LRRTM4: variants seen among roughly 807,000 people sequenced by gnomAD.
The protein encoded by LRRTM4 is leucine-rich repeat transmembrane neuronal protein 4.
In LRRTM4, 25 loss-of-function variants were observed where a neutral mutation model predicts 47.6. The ratio of observed to expected loss-of-function variants is 0.53; its 90% CI spans 0.38 to 0.73. LRRTM4 has a LOEUF of 0.73. LRRTM4 is among the 30% of genes least tolerant of loss of function. The pLI is 0.00. For synonymous variants in LRRTM4, 311 were observed against 269.5 expected (o/e 1.15, Z -1.51); for missense variants, 638 against 713.4 (o/e 0.89, Z 1.20).
chr2:77,146,640 C>T (rs1672268577), intron 3 of LRRTM4, among the ~76,000 whole-genome samples: 1 of 152,020 alleles, frequency 6.6e-6, no homozygotes, highest in Non-Finnish European at 1.5e-5. Context: ...CATTAAAAGT[C>T]ACAGATTTAT....
chr2:76,873,520 A>ACATATATATATATATG (rs764805070), intron 3 of LRRTM4, among the ~76,000 whole-genome samples: 9 of 143,568 alleles, frequency 6.3e-5, no homozygotes, highest in Non-Finnish European at 1.4e-4. Context: ...ATATATATAT[A>ACATATATATATATATG]TATATATATA....
Position 76,959,255 on chromosome 2 carries a change from T to C in LRRTM4, c.1552-210339A>G, listed in dbSNP as rs750297153. Among the ~76,000 whole-genome samples, 60 of 151,834 alleles carry C rather than the reference T, an allele frequency of 4.0e-4. No homozygotes were observed. The Middle Eastern group carries it at 0.014, about 34-fold the overall frequency. ...AAACTATATTATGTTTTCATCATGA[T>C]ATCAATTTTAAAACAAATGTCATGG... is the stretch of plus-strand genomic sequence containing the variant. On this transcript the variant is annotated intron_variant, in intron 3 of 3. Transcript: ENST00000409884.
At chr2:77,032,827 T>A (rs1678710097) in intron 3 of LRRTM4, among the ~76,000 whole-genome samples, 1 of 152,144 alleles carries the variant, frequency 6.6e-6, no homozygotes. Flanking sequence ...GAAATGCTGA[T>A]TCTTTTTAGC....
chr2:77,297,680 C>T (rs1051826447), intron 3 of LRRTM4, among the ~76,000 whole-genome samples: 7 of 152,070 alleles, frequency 4.6e-5, no homozygotes, highest in African/African-American at 1.7e-4. Context: ...CTATGCTGTC[C>T]CTATGGCAGT....
At chr2:77,030,175 G>A (rs778000007) in intron 3 of LRRTM4, among the ~76,000 whole-genome samples, 2 of 152,210 alleles carry the variant, frequency 1.3e-5, no homozygotes, top group Non-Finnish European at 2.9e-5. Flanking sequence ...GCTCACGCCT[G>A]TAATCCCAGC....
At chr2:76,869,574 A>G (rs1672565885) in intron 3 of LRRTM4, among the ~76,000 whole-genome samples, 1 of 150,954 alleles carries the variant, frequency 6.6e-6, no homozygotes, top group South Asian at 2.1e-4. Context: ...AAAAAAGTCA[A>G]ACCTTTAGGG....
chr2:77,052,105 G>T (rs1448426080), intron 3 of LRRTM4, among the ~76,000 whole-genome samples: 2 of 148,806 alleles, frequency 1.3e-5, no homozygotes, highest in Non-Finnish European at 3.0e-5. Context: ...GAATACAAAA[G>T]GATTCCTGGG....
rs150151422 is a variant in LRRTM4 at position 76,860,613 on chromosome 2, A to G, written c.1552-111697T>C. Among the ~76,000 whole-genome samples, 884 of 152,182 alleles carry G rather than the reference A, an allele frequency of 5.8e-3. 13 individuals are homozygous for G. Among genetic ancestry groups the G allele is most frequent in the African/African-American group, 0.02 (838 of 41,534 alleles). On this transcript the variant is annotated intron_variant, in intron 3 of 3. Transcript: ENST00000409884. ...CTATAGGCTCACTTAGGAGACCCCT[A>G]TAAGAATGGAACTTAGCTATAGTTT...
At chr2:77,221,432 C>T (rs1674628819) in intron 3 of LRRTM4, among the ~76,000 whole-genome samples, 1 of 152,112 alleles carries the variant, frequency 6.6e-6, no homozygotes, top group Non-Finnish European at 1.5e-5. Context: ...AGAGTCAAGA[C>T]CCATCAGTGT....
At chr2:77,092,397 C>A (rs1670676573) in intron 3 of LRRTM4, among the ~76,000 whole-genome samples, 1 of 150,192 alleles carries the variant, frequency 6.7e-6, no homozygotes, top group African/African-American at 2.5e-5. Flanking sequence ...CACACACCAG[C>A]AAAGGCAGGT....
chr2:76,910,094 C>G (rs1257116320), intron 3 of LRRTM4, among the ~76,000 whole-genome samples: 6 of 152,072 alleles, frequency 3.9e-5, no homozygotes, highest in Admixed American at 3.3e-4. Context: ...TTGGAACCAA[C>G]CCAAATGTCC....
intron 3 of LRRTM4, among the ~76,000 whole-genome samples, chr2:76,799,581 A>C (rs2103762489): frequency 7.1e-6 from 1 of 141,818 alleles, no homozygotes; most frequent in Non-Finnish European, 1.5e-5. Context: ...TATTCAACAT[A>C]GTGTTGGAAG....
chr2:77,458,505 T>C (rs901708024), intron 3 of LRRTM4, among the ~76,000 whole-genome samples: 4 of 152,052 alleles, frequency 2.6e-5, no homozygotes, highest in African/African-American at 4.8e-5. Context: ...TGTGGCAGGG[T>C]TGTCCCGTGG....
intron 3 of LRRTM4, among the ~76,000 whole-genome samples, chr2:76,825,360 G>T (rs1671163740): frequency 6.6e-6 from 1 of 151,600 alleles, no homozygotes; most frequent in African/African-American, 2.4e-5. Context: ...CAGAGTGCAG[G>T]GAAATGGTGT....
intron 3 of LRRTM4, among the ~76,000 whole-genome samples, chr2:77,397,298 G>A (rs2103827272): frequency 6.6e-6 from 1 of 151,796 alleles, no homozygotes; most frequent in Non-Finnish European, 1.5e-5. Context: ...TATATTTTCA[G>A]GCATTTCAGT....
At chr2:76,839,909 T>G (rs1033172302) in intron 3 of LRRTM4, among the ~76,000 whole-genome samples, 4 of 152,128 alleles carry the variant, frequency 2.6e-5, no homozygotes, top group Admixed American at 1.3e-4. Context: ...TCTTGTTATA[T>G]CAAATGATTC....
rs562435295 is a variant in LRRTM4 at position 76,976,019 on chromosome 2, G to T, written c.1552-227103C>A. ...GCTTCTAATTCTTTGGGGAAATGGT[G>T]TTTCCTTCTATTGAATTATAACTTT... On this transcript the variant is annotated intron_variant, in intron 3 of 3. Transcript: ENST00000409884. 1.2e-4 allele frequency among the ~76,000 whole-genome samples: 18 copies of T among 151,808 alleles called. No homozygotes were observed. The South Asian group carries it at 3.1e-3, about 26-fold the overall frequency.
At chr2:77,163,122 G>A (rs970785507) in intron 3 of LRRTM4, among the ~76,000 whole-genome samples, 4 of 152,148 alleles carry the variant, frequency 2.6e-5, no homozygotes, top group African/African-American at 7.2e-5. Context: ...ACAGCATAGA[G>A]AAGACCTTAA....
At chr2:76,968,616 G>A (rs1228947418) in intron 3 of LRRTM4, among the ~76,000 whole-genome samples, 1 of 151,342 alleles carries the variant, frequency 6.6e-6, no homozygotes, top group Non-Finnish European at 1.5e-5. Flanking sequence ...TATTCTGTTT[G>A]GGGTTAGGCA....
Sources: allele counts gnomAD v4.1 joint callset (sites outside exome capture counted in the v4.1 genomes callset), GRCh38; gene constraint gnomAD v4.1.1; transcripts MANE v1.5; gene names NCBI Gene and HGNC (gene_info 2026-07-23, HGNC 2026-07-21).